The following MYH3 variants were observed in gnomAD, a reference collection of about 807,000 sequenced individuals.
MYH3 encodes the protein myosin heavy chain 3.
Under a neutral mutation model 238.0 loss-of-function variants are expected in MYH3, and 130 were observed. That is an observed-to-expected ratio of 0.55 (90% CI 0.47 to 0.63). The LOEUF is 0.63. MYH3 is among the 30% of genes least tolerant of loss of function. The pLI, the probability that MYH3 is intolerant of heterozygous loss-of-function variation, is 0.00. For synonymous variants in MYH3, 880 were observed against 924.1 expected, an observed-to-expected ratio of 0.95 and a Z score of 0.86; for missense variants, 1,853 against 2,374.9, an observed-to-expected ratio of 0.78 and a Z score of 4.57.
intron 20 of MYH3, 27 bp from the exon 21 acceptor site, chr17:10,640,496 T>G: frequency 6.2e-7 from 1 of 1,614,142 alleles, no homozygotes; most frequent in East Asian, 2.2e-5. Flanking sequence ...GTGACATGAG[T>G]CAGTTTCCTA....
chr17:10,640,934 A>G lies in MYH3; in HGVS notation c.2165+151T>C, dbSNP rs553526457. On this transcript the variant is annotated intron_variant, in intron 19 of 40. Coordinates refer to ENST00000583535, the MANE Select transcript of MYH3 (RefSeq NM_002470.4). Reference sequence around the variant, plus strand: ...AAAAACATGGAAGAAACAAATATATATAACTTGGCCAAATGGTAGATTGTT... The same window carrying G: ...AAAAACATGGAAGAAACAAATATATGTAACTTGGCCAAATGGTAGATTGTT... 590 of 876,124 alleles carry G rather than the reference A, an allele frequency of 6.7e-4. 3 individuals carry two copies. The highest frequency in any genetic ancestry group is 3.6e-3 in the South Asian group (252 of 70,976). The allele number at this position is 876,124 out of a possible 1,614,324, so 54.3% of individuals were successfully genotyped here.
At position 10,640,440 on chromosome 17, in the gene MYH3, G is replaced by A; in HGVS notation, c.2319C>T (p.Thr773=). Reference sequence around the variant, plus strand: ...GGCGGTCATCCCGCATCTCTTCCAGGGTTCCCAGCAAGCCAGCCTTGAAGA... The same window carrying A: ...GGCGGTCATCCCGCATCTCTTCCAGAGTTCCCAGCAAGCCAGCCTTGAAGA... ...KVFFKAGLLG[T]LEEMRDDRLA... is the part of the protein sequence containing the mutation. Residue 773 remains threonine (T), a synonymous_variant, in exon 21 of 41, where the codon ACC becomes ACT. Transcript: ENST00000583535. The A allele has an allele frequency of 6.2e-7, 1 of 1,614,186 alleles. No homozygotes were observed.
chr17:10,653,588 C>G (rs3815011), intron 3 of MYH3, among the ~76,000 whole-genome samples: 96,192 of 152,016 alleles, frequency 0.63, 32,261 homozygotes, highest in Non-Finnish European at 0.77. Flanking sequence ...GGACAAACCC[C>G]CACACCCTCG....
rs779864155 is a variant in MYH3, at chr17:10,645,780, G to A, written c.1068C>T (p.Ala356=). The A allele has an allele frequency of 1.4e-5, 23 of 1,613,662 alleles. No homozygotes were observed. The highest frequency in any genetic ancestry group is 6.6e-5 in the South Asian group (6 of 91,066). ...ACTTCATGTTCCCGTAGTGCATCAC[G>A]GCTCCCGTCAGCTTGTAGAGCCCAG... The part of the protein sequence containing the change: ...EKSGLYKLTG[A]VMHYGNMKFK... Residue 356 remains alanine (A), a synonymous_variant, in exon 12 of 41, where the codon GCC becomes GCT. Coordinates refer to ENST00000583535, the MANE Select transcript of MYH3 (RefSeq NM_002470.4).
At chr17:10,649,976 A>G (rs141151209) in intron 6 of MYH3, among the ~76,000 whole-genome samples, 2 of 150,830 alleles carry the variant, frequency 1.3e-5, no homozygotes, top group East Asian at 1.9e-4. Flanking sequence ...TTTCTCTTTT[A>G]TTTTTTATTT....
Position 10,648,553 on chromosome 17 carries a change from TCA to T in MYH3, c.735+2_735+3del. Reference sequence around the variant, plus strand: ...AATTCCATCTTAACCAAACTCAGACTCACAAAACGGGAGGAGTTGTCATTCCT... The same window carrying T: ...AATTCCATCTTAACCAAACTCAGACTCAAAACGGGAGGAGTTGTCATTCCT... On this transcript the variant is annotated splice_donor_variant and splice_donor_region_variant and intron_variant, in intron 8 of 40. Transcript: ENST00000583535. LOFTEE classifies it high-confidence loss of function. The T allele has an allele frequency of 6.2e-7, 1 of 1,612,864 alleles. No individual in the cohort carries two copies. Among genetic ancestry groups the T allele is most frequent in the Non-Finnish European group, 8.5e-7 (1 of 1,178,824 alleles).
chr17:10,647,445 AG>A lies in MYH3; in HGVS notation c.736-20del, dbSNP rs764262246. ...ACTTGCCCTGTATGGGGCGGGATTC[AG>A]GGGGAGACCAGATTCTACCATGGCC... is the stretch of plus-strand genomic sequence containing the variant. On this transcript the variant is annotated intron_variant, in intron 8 of 40. Transcript: ENST00000583535. 53 of 1,613,624 alleles carry A rather than the reference AG, an allele frequency of 3.3e-5. No homozygotes were observed. The highest frequency in any genetic ancestry group is 2.8e-5 in the Non-Finnish European group (33 of 1,179,718).
intron 32 of MYH3, 120 bp downstream of exon 32, chr17:10,633,897 G>A: frequency 6.8e-7 from 1 of 1,462,306 alleles, no homozygotes; most frequent in Admixed American, 1.7e-5. Flanking sequence ...AACACTTTCT[G>A]CATGTGCATT....
At position 10,635,471 on chromosome 17, in the gene MYH3, A is replaced by G. The variant is rs2074205411; in HGVS notation, c.4068T>C (p.Ala1356=). The change falls in exon 30 of 41, where the codon GCT becomes GCC. Residue 1356 remains alanine (A), a synonymous_variant. Transcript: ENST00000583535. ...EQYEEEQEGK[A]ELQRALSKAN... is the part of the protein sequence containing the mutation. ...CCTTGGACAGCGCCCTCTGCAGCTC[A>G]GCTTTGCCTTCCTGCTCCTCCTCAT... 4 of 1,614,182 alleles carry G rather than the reference A, an allele frequency of 2.5e-6. No individual in the cohort carries two copies. The highest frequency in any genetic ancestry group is 3.4e-6 in the Non-Finnish European group (4 of 1,180,012).
chr17:10,647,465 C>CATGG (rs1183443488), intron 8 of MYH3, 39 bp from the exon 9 acceptor site: 1 of 1,601,444 alleles, frequency 6.2e-7, no homozygotes, highest in Non-Finnish European at 8.6e-7. Context: ...CAGATTCTAC[C>CATGG]ATGGCCCAAT....
intron 10 of MYH3, among the ~76,000 whole-genome samples, 154 bp from the exon 11 acceptor site, chr17:10,646,186 A>G (rs2074319425): frequency 6.6e-6 from 1 of 152,206 alleles, no homozygotes; most frequent in Non-Finnish European, 1.5e-5. Flanking sequence ...CACAATACTC[A>G]GGCTGTCATG....
chr17:10,668,812 T>C, the MYH3 span, among the ~76,000 whole-genome samples: 1 of 152,244 alleles, frequency 6.6e-6, no homozygotes, highest in Non-Finnish European at 1.5e-5. Context: ...TTACCACAAG[T>C]GAGGTTGAAC....
At chr17:10,651,748 T>G (rs1597492959) in intron 4 of MYH3, 80 bp from the exon 5 acceptor site, 1 of 876,758 alleles carries the variant, frequency 1.1e-6, no homozygotes, top group East Asian at 5.8e-5. Flanking sequence ...ATTATTATTG[T>G]TTTTTTTTTT....
At chr17:10,628,969 AG>A (rs2074122620) in intron 40 of MYH3, among the ~76,000 whole-genome samples, 2 of 152,238 alleles carry the variant, frequency 1.3e-5, no homozygotes, top group South Asian at 2.1e-4. Context: ...TGTTACCAGC[AG>A]GGGGCGCATG....
the MYH3 span, among the ~76,000 whole-genome samples, chr17:10,669,324 A>G: frequency 0.21 from 31,837 of 152,072 alleles, 3,533 homozygotes; most frequent in Non-Finnish European, 0.25. Flanking sequence ...AGGCCCAGGC[A>G]GGCAGATCAC....
rs1419676589 is a variant in MYH3, at chr17:10,652,481, T to C, written c.287A>G (p.His96Arg). 8 of 1,613,940 alleles carry C rather than the reference T, an allele frequency of 5.0e-6. No individual in the cohort carries two copies. The highest frequency in any genetic ancestry group is 6.8e-6 in the Non-Finnish European group (8 of 1,180,014). ...GTACAGCACGGCTGGCTCATTCAGG[T>C]GCGTCAGCATGGCCATGTCTTCGAT... ...DRIEDMAMLT[H>R]LNEPAVLYNL... The change falls in exon 4 of 41, where the codon CAC becomes CGC. Residue 96 changes from histidine (H) to arginine (R), a missense_variant. Coordinates refer to ENST00000583535, the MANE Select transcript of MYH3 (RefSeq NM_002470.4).
At chr17:10,650,537 A>T in intron 5 of MYH3, 136 bp from the exon 6 acceptor site, 2 of 732,922 alleles carry the variant, frequency 2.7e-6, no homozygotes, top group East Asian at 2.7e-5. Context: ...TTTAGGTGGG[A>T]ATCTGAAGAG....
At position 10,632,487 on chromosome 17, in the gene MYH3, C is replaced by T; in HGVS notation, c.4945G>A (p.Gly1649Arg). The part of the protein sequence containing the change: ...ETLKHLRSVQ[G>R]QLKDTQLHLD... The stretch of plus-strand genomic sequence containing the variant: ...GGGTTCTCTCAAACCTTCAGCTGTC[C>T]CTGGACACTCCTGAGGTGTTTGAGG... The change falls in exon 34 of 41, where the codon GGA (glycine) becomes AGA (arginine). Residue 1649 changes from glycine (G) to arginine (R), a missense_variant. Physicochemically the swap from Gly to Arg is moderately radical, Grantham distance 125 (BLOSUM62 -2). This residue lies in a region of MYH3 where 1,044 missense variants were observed against 1,192.6 expected (regional missense o/e 0.88). Transcript: ENST00000583535. 2 of 1,613,696 alleles carry T rather than the reference C, an allele frequency of 1.2e-6. No homozygotes were observed. The highest frequency in any genetic ancestry group is 1.7e-6 in the Non-Finnish European group (2 of 1,180,028).
At chr17:10,669,850 G>A in the MYH3 span, among the ~76,000 whole-genome samples, 2 of 152,182 alleles carry the variant, frequency 1.3e-5, no homozygotes, top group African/African-American at 4.8e-5. Context: ...ATTTGAGGCT[G>A]CAGTGAGCCA....
Sources: allele counts gnomAD v4.1 joint callset (sites outside exome capture counted in the v4.1 genomes callset), GRCh38; gene constraint gnomAD v4.1.1; regional missense constraint gnomAD v4.1.1; transcripts MANE v1.5; gene names NCBI Gene and HGNC (gene_info 2026-07-23, HGNC 2026-07-21).